TCF20: variants seen among roughly 807,000 people sequenced by gnomAD.
The protein encoded by TCF20 is transcription factor 20, also known as SPRE-binding protein.
In TCF20, 3 loss-of-function variants were observed where a neutral mutation model predicts 148.6. The observed-to-expected ratio is 0.02, with a 90% CI of 0.01 to 0.05. TCF20 has a LOEUF of 0.05. Among genes scored for constraint, TCF20 ranks in the 10% least tolerant of loss-of-function variants. TCF20 has a pLI of 1.00. For synonymous variants in TCF20, 1,049 were observed against 909.5 expected (o/e 1.15, Z -2.76); for missense variants, 2,350 against 2,429.3 (o/e 0.97, Z 0.69).
intron 1 of TCF20, among the ~76,000 whole-genome samples, chr22:42,294,887 G>A (rs946772082): frequency 6.6e-6 from 1 of 152,320 alleles, no homozygotes; most frequent in East Asian, 1.9e-4. Flanking sequence ...GGCCCTGGGG[G>A]ACAGGGATGA....
intron 1 of TCF20, among the ~76,000 whole-genome samples, chr22:42,240,730 C>T (rs553406716): frequency 1.3e-5 from 2 of 152,238 alleles, no homozygotes; most frequent in East Asian, 3.9e-4. Context: ...CTCACCCCAG[C>T]GAACCTGTGA....
At position 42,210,639 on chromosome 22, in the gene TCF20, G is replaced by A. The variant is rs1272591177; in HGVS notation, c.4667C>T (p.Pro1556Leu). The change falls in exon 2 of 6, where the codon CCA (proline) becomes CTA (leucine). Residue 1556 changes from proline to leucine, a missense_variant. This residue lies in a region of TCF20 where 374 missense variants were observed against 398.3 expected (regional missense o/e 0.94). Transcript: ENST00000677622. This position sits in a 1 kb window ranked among gnomAD's most constrained non-coding sequence, Gnocchi z 4.7. ...SVNKQKKQQQ[P>L]PPPPPQPPQI... ...TGGGGGCTGAGGGGGTGGAGGCGGT[G>A]GCTGCTGCTGTTTCTTTTGCTTATT... 1.2e-6 allele frequency: 2 copies of A among 1,613,998 alleles called. No individual in the cohort carries two copies. Among genetic ancestry groups the A allele is most frequent in the African/African-American group, 2.7e-5 (2 of 74,892 alleles).
rs914942067 is a variant in TCF20 at position 42,299,716 on chromosome 22, G to A, written c.-37+43763C>T. On this transcript the variant is annotated intron_variant, in intron 1 of 1. Transcript: ENST00000515426. This position sits in a 1 kb window ranked among gnomAD's most constrained non-coding sequence, Gnocchi z 4.1. ...AGTGACCTGGCTGGGGTCTCTCTAG[G>A]TCAGGTAATTAATAGCAGGAGGGAA... Among the ~76,000 whole-genome samples, 15 of 152,206 alleles carry A rather than the reference G, an allele frequency of 9.9e-5. No homozygotes were observed. The highest frequency in any genetic ancestry group is 3.4e-3 in the Middle Eastern group (1 of 294).
Position 42,160,177 on chromosome 22 carries a change from C to CT in TCF20, c.*1225dup, listed in dbSNP as rs1415962209. On this transcript the variant is annotated 3_prime_UTR_variant, in exon 6 of 6. Transcript: ENST00000677622. ...AAGGCCATAACAAGATTTTTTTGTA[C>CT]TTTTTTCTTTTTTTAAAACTCAGAT... 1 of 152,380 alleles carries CT rather than the reference C, an allele frequency of 6.6e-6. No homozygotes were observed. The highest frequency in any genetic ancestry group is 1.5e-5 in the Non-Finnish European group (1 of 67,990). 9.4% of individuals were successfully genotyped at this position (152,380 alleles called of 1,614,324 possible).
intron 3 of TCF20, among the ~76,000 whole-genome samples, chr22:42,178,887 T>C (rs1324738830): frequency 6.6e-6 from 1 of 151,798 alleles, no homozygotes; most frequent in African/African-American, 2.4e-5. Context: ...AATTTTACAA[T>C]GGGCAAAGGA....
intron 1 of TCF20, among the ~76,000 whole-genome samples, chr22:42,266,876 T>C (rs889549697): frequency 7.2e-5 from 11 of 152,234 alleles, no homozygotes; most frequent in Admixed American, 1.3e-4. Context: ...CTCACGTGAA[T>C]ACACACAAAT....
chr22:42,226,144 AC>A (rs888772716), intron 1 of TCF20, among the ~76,000 whole-genome samples: 1 of 152,138 alleles, frequency 6.6e-6, no homozygotes, highest in Non-Finnish European at 1.5e-5. Context: ...ACTTCAGATG[AC>A]CACATATGTG....
chr22:42,327,129 G>T (rs1190184380), intron 1 of TCF20, among the ~76,000 whole-genome samples: 1 of 152,206 alleles, frequency 6.6e-6, no homozygotes, highest in Non-Finnish European at 1.5e-5. Context: ...GGGAGGGGGC[G>T]GAGGCACTGG....
At chr22:42,227,074 G>A (rs1265522995) in intron 1 of TCF20, among the ~76,000 whole-genome samples, 2 of 152,188 alleles carry the variant, frequency 1.3e-5, no homozygotes, top group African/African-American at 4.8e-5. Context: ...CACGAGGCCA[G>A]GAGTTCAAGA....
At chr22:42,187,617 C>T (rs1029675341) in intron 2 of TCF20, among the ~76,000 whole-genome samples, 2 of 152,206 alleles carry the variant, frequency 1.3e-5, no homozygotes, top group Non-Finnish European at 2.9e-5. Flanking sequence ...ACAAAGAAAG[C>T]CCGTTCCCTT....
At chr22:42,274,007 C>A (rs116402681), upstream of TCF20, 1 of 152,672 alleles carries the variant, frequency 6.5e-6, no homozygotes, top group African/African-American at 2.4e-5. Context: ...TCAGAGCAGG[C>A]GGATGTCCTT....
chr22:42,219,938 A>G (rs965359502), intron 1 of TCF20, among the ~76,000 whole-genome samples: 1 of 152,102 alleles, frequency 6.6e-6, no homozygotes, highest in African/African-American at 2.4e-5. Flanking sequence ...CTATATTCCT[A>G]ACTTTCTGAA....
intron 1 of TCF20, among the ~76,000 whole-genome samples, chr22:42,308,800 C>T (rs529334327): frequency 1.5e-4 from 23 of 152,244 alleles, no homozygotes; most frequent in African/African-American, 5.3e-4. Flanking sequence ...AGGCAGCTGG[C>T]CCTAGGTCTC....
At position 42,241,076 on chromosome 22, in the gene TCF20, G is replaced by A. The variant is rs867789615; in HGVS notation, c.-36-25735C>T. Among the ~76,000 whole-genome samples the A allele has an allele frequency of 3.9e-5, 6 of 152,206 alleles. No individual in the cohort carries two copies. In the South Asian group the frequency reaches 1.0e-3, roughly 26 times the overall value. ...TCACCATGTTGGCCAGGCTGGTCTC[G>A]AACTCCTGACCTCAGCTGATCTGCC... On this transcript the variant is annotated intron_variant, in intron 1 of 5. Coordinates refer to ENST00000677622, the MANE Select transcript of TCF20 (RefSeq NM_001378418.1).
chr22:42,324,688 T>TC (rs1927840606), intron 1 of TCF20, among the ~76,000 whole-genome samples: 2 of 148,638 alleles, frequency 1.3e-5, no homozygotes, highest in African/African-American at 5.0e-5. Flanking sequence ...ATCTCCACCA[T>TC]TTGAGAAAAA....
Position 42,210,683 on chromosome 22 carries a change from C to T in TCF20, c.4623G>A (p.Gly1541=). ...KGYFPSGKKK[G]RPIGSVNKQK... ...GCTTATTCACACTACCAATGGGTCT[C>T]CCCTTCTTCTTTCCTGATGGGAAAT... Residue 1541 remains glycine (G), a synonymous_variant, in exon 2 of 6, where the codon GGG becomes GGA. Coordinates refer to ENST00000677622, the MANE Select transcript of TCF20 (RefSeq NM_001378418.1). The surrounding 1 kb of genome is among the most constrained non-coding windows in gnomAD (Gnocchi z 4.7). 1 of 1,614,212 alleles carries T rather than the reference C, an allele frequency of 6.2e-7. No homozygotes were observed. Among genetic ancestry groups the T allele is most frequent in the Admixed American group, 1.7e-5 (1 of 60,024 alleles).
At chr22:42,314,010 A>C (rs1209892887) in intron 1 of TCF20, among the ~76,000 whole-genome samples, 1 of 152,182 alleles carries the variant, frequency 6.6e-6, no homozygotes, top group Admixed American at 6.5e-5. Flanking sequence ...TTCCCTTCTC[A>C]GTGCAACGGC....
Position 42,210,322 on chromosome 22 carries a change from T to C in TCF20, c.4984A>G (p.Arg1662Gly). ...AEEEEQTKLV[R>G]GRKGQRSLTP... ...AGTGACCTCTGACCCTTCCTGCCCC[T>C]CACTAATTTGGTCTGTTCTTCTTCC... is the stretch of plus-strand genomic sequence containing the variant. The change falls in exon 2 of 6, where the codon AGG becomes GGG. Residue 1662 changes from arginine (R) to glycine (G), a missense_variant. Physicochemically the swap from Arg to Gly is moderately radical, Grantham distance 125. Around this residue, in one of 7 missense-constraint regions of TCF20, gnomAD observed 374 missense variants for 398.3 expected, o/e 0.94. Transcript: ENST00000677622. This position sits in a 1 kb window ranked among gnomAD's most constrained non-coding sequence, Gnocchi z 4.7. 3 of 1,614,174 alleles carry C rather than the reference T, an allele frequency of 1.9e-6. No homozygotes were observed. In the East Asian group the frequency reaches 6.7e-5, roughly 36 times the overall value.
chr22:42,228,591 T>C (rs534903399), intron 1 of TCF20, among the ~76,000 whole-genome samples: 10 of 152,302 alleles, frequency 6.6e-5, no homozygotes, highest in Admixed American at 2.0e-4. Flanking sequence ...CTGCAAACAC[T>C]GCACCATTTG....
Sources: allele counts gnomAD v4.1 joint callset (sites outside exome capture counted in the v4.1 genomes callset), GRCh38; gene constraint gnomAD v4.1.1; regional missense constraint gnomAD v4.1.1; non-coding constraint Gnocchi (gnomAD v3.1); transcripts MANE v1.5; gene names NCBI Gene and HGNC (gene_info 2026-07-23, HGNC 2026-07-21).